SLCO5A1: variants seen among roughly 807,000 people sequenced by gnomAD.
SLCO5A1 encodes organic anion transporter polypeptide-related protein 4.
A neutral mutation model predicts 65.1 loss-of-function variants in SLCO5A1; 39 were observed. That is an observed-to-expected ratio of 0.60 (90% confidence interval 0.46 to 0.78). The LOEUF (loss-of-function observed/expected upper bound fraction) is 0.78, where lower values mean the gene tolerates loss of function less well. SLCO5A1 is among the 30% of genes least tolerant of loss of function. The pLI is 0.00. For missense variants in SLCO5A1, 1,029 were observed against 1,069.4 expected (o/e 0.96, Z 0.53); for synonymous variants, 438 against 415.7 (o/e 1.05, Z -0.65).
intron 8 of SLCO5A1, 66 bp downstream of exon 8, chr8:69,679,312 C>G: frequency 5.0e-6 from 8 of 1,594,886 alleles, no homozygotes; most frequent in Non-Finnish European, 6.0e-6. Context: ...AGCCCCTTGT[C>G]CTGGATTATG....
chr8:69,734,633 C>T (rs1382177047), intron 5 of SLCO5A1, among the ~76,000 whole-genome samples: 1 of 152,194 alleles, frequency 6.6e-6, no homozygotes, highest in Admixed American at 6.5e-5. Context: ...TGTGAACAAG[C>T]GAGCAATAGA....
chr8:69,790,831 A>G (rs928473286), intron 2 of SLCO5A1, among the ~76,000 whole-genome samples: 2 of 152,214 alleles, frequency 1.3e-5, no homozygotes, highest in African/African-American at 2.4e-5. Flanking sequence ...GACTGCTGAC[A>G]TTCTGAGGGC....
intron 6 of SLCO5A1, among the ~76,000 whole-genome samples, chr8:69,703,808 A>G (rs1474689763): frequency 2.0e-5 from 3 of 152,254 alleles, no homozygotes; most frequent in African/African-American, 7.2e-5. Flanking sequence ...ATATAAACAT[A>G]CAATTAAATG....
chr8:69,738,615 A>G (rs565907646), intron 4 of SLCO5A1, among the ~76,000 whole-genome samples: 98 of 152,266 alleles, frequency 6.4e-4, no homozygotes, highest in African/African-American at 2.4e-3. Flanking sequence ...TACAATTTCC[A>G]CTTCTCCCAA....
At chr8:69,737,361 C>T (rs906919598) in intron 5 of SLCO5A1, among the ~76,000 whole-genome samples, 2 of 152,028 alleles carry the variant, frequency 1.3e-5, no homozygotes, top group African/African-American at 2.4e-5. Context: ...AAGATATGGC[C>T]AATCAGCCAT....
At chr8:69,830,091 G>T (rs1455890216) in intron 2 of SLCO5A1, among the ~76,000 whole-genome samples, 1 of 152,126 alleles carries the variant, frequency 6.6e-6, no homozygotes, top group Non-Finnish European at 1.5e-5. Flanking sequence ...ACCCAGAAAG[G>T]AAATTTCTTT....
chr8:69,820,907 C>T (rs1820607755), intron 2 of SLCO5A1, among the ~76,000 whole-genome samples: 1 of 152,030 alleles, frequency 6.6e-6, no homozygotes, highest in Non-Finnish European at 1.5e-5. Flanking sequence ...ATGTAGTAAT[C>T]CCCAGGCAGA....
At chr8:69,762,158 C>A (rs928125558) in intron 2 of SLCO5A1, among the ~76,000 whole-genome samples, 2 of 130,108 alleles carry the variant, frequency 1.5e-5, no homozygotes, top group South Asian at 2.9e-4. Context: ...TTCTTTCTTT[C>A]TTTCTTTCTT....
chr8:69,819,688 G>A (rs116962832), intron 2 of SLCO5A1, among the ~76,000 whole-genome samples: 1,599 of 152,312 alleles, frequency 0.01, 20 homozygotes, highest in Non-Finnish European at 0.017. Flanking sequence ...TGGGCCAGGC[G>A]CAGTGGCTCA....
At chr8:69,770,851 T>C (rs1020178178) in intron 2 of SLCO5A1, among the ~76,000 whole-genome samples, 7 of 152,232 alleles carry the variant, frequency 4.6e-5, no homozygotes, top group African/African-American at 1.7e-4. Flanking sequence ...CCTTATTCTA[T>C]GATCACTTCT....
intron 3 of SLCO5A1, among the ~76,000 whole-genome samples, chr8:69,758,041 G>A (rs371866984): frequency 6.6e-6 from 1 of 152,166 alleles, no homozygotes; most frequent in African/African-American, 2.4e-5. Flanking sequence ...TCTACAAGTG[G>A]GGTATTAAGT....
At chr8:69,777,952 G>A (rs1450887369) in intron 2 of SLCO5A1, among the ~76,000 whole-genome samples, 2 of 152,064 alleles carry the variant, frequency 1.3e-5, no homozygotes, top group African/African-American at 4.8e-5. Flanking sequence ...CCACAAGAAG[G>A]GTGAGCACAG....
intron 5 of SLCO5A1, among the ~76,000 whole-genome samples, chr8:69,729,275 T>C (rs575923187): frequency 6.6e-6 from 1 of 151,790 alleles, no homozygotes; most frequent in East Asian, 1.9e-4. Flanking sequence ...AAACCCCGTC[T>C]CTACTAAAAA....
At chr8:69,745,867 G>T (rs904804533) in intron 4 of SLCO5A1, among the ~76,000 whole-genome samples, 1 of 152,094 alleles carries the variant, frequency 6.6e-6, no homozygotes, top group African/African-American at 2.4e-5. Flanking sequence ...ATTAAAAAAA[G>T]TTAAGCATTT....
chr8:69,794,714 T>G (rs910914629), intron 2 of SLCO5A1: 2 of 292,520 alleles, frequency 6.8e-6, no homozygotes, highest in African/African-American at 4.5e-5. Flanking sequence ...GCAGCCATAC[T>G]TGTTATATTA....
chr8:69,704,555 C>G (rs552234698), intron 6 of SLCO5A1, among the ~76,000 whole-genome samples: 10 of 152,134 alleles, frequency 6.6e-5, no homozygotes, highest in African/African-American at 2.4e-4. Context: ...AATAAAGAAG[C>G]CTTGGAAGGA....
At chr8:69,746,977 C>G (rs1817059577) in intron 4 of SLCO5A1, among the ~76,000 whole-genome samples, 1 of 152,114 alleles carries the variant, frequency 6.6e-6, no homozygotes. Context: ...CCTAAATCAC[C>G]CAGGGTCAGG....
chr8:69,804,940 G>A (rs550531640), intron 2 of SLCO5A1, among the ~76,000 whole-genome samples: 1 of 152,238 alleles, frequency 6.6e-6, no homozygotes, highest in South Asian at 2.1e-4. Context: ...GAAAGAAAAG[G>A]GTGAGCTCTA....
At chr8:69,747,805 T>C (rs754722671) in intron 4 of SLCO5A1, among the ~76,000 whole-genome samples, 1 of 152,230 alleles carries the variant, frequency 6.6e-6, no homozygotes, top group Non-Finnish European at 1.5e-5. Flanking sequence ...CGTCCTGCAG[T>C]GAAAACCTTA....
Sources: allele counts gnomAD v4.1 joint callset (sites outside exome capture counted in the v4.1 genomes callset), GRCh38; gene constraint gnomAD v4.1.1; transcripts MANE v1.5; gene names NCBI Gene and HGNC (gene_info 2026-07-23, HGNC 2026-07-21).